The following MMD variants were observed in gnomAD, a reference collection of about 807,000 sequenced individuals.
MMD encodes the protein monocyte to macrophage differentiation associated.
Under a neutral mutation model 33.6 loss-of-function variants are expected in MMD, and 22 were observed. The ratio of observed to expected loss-of-function variants is 0.66; its 90% CI spans 0.47 to 0.94. The LOEUF is 0.94. Among genes scored for constraint, MMD ranks in the 40% least tolerant of loss-of-function variants. The pLI is 0.00. For missense variants in MMD, 242 were observed against 309.8 expected (o/e 0.78, Z 1.64); for synonymous variants, 97 against 103.2 (o/e 0.94, Z 0.36).
intron 6 of MMD, among the ~76,000 whole-genome samples, chr17:55,397,868 CA>C (rs1207886170): frequency 6.6e-6 from 1 of 152,114 alleles, no homozygotes; most frequent in Non-Finnish European, 1.5e-5. Flanking sequence ...TGTGCCATTA[CA>C]TTGTATTCCT....
In MMD at chr17:55,398,058, C is replaced by T. The variant is rs190843918; in HGVS notation, c.516+3411G>A. On this transcript the variant is annotated intron_variant, in intron 6 of 6. Coordinates refer to ENST00000262065, the MANE Select transcript of MMD (RefSeq NM_012329.3). ...TCAGGCCTCCTCGTGCTTTGTGGATCTCTAGGTTGATATTTTTCATCAAAT... is the reference window on the plus strand; with the variant it reads ...TCAGGCCTCCTCGTGCTTTGTGGATTTCTAGGTTGATATTTTTCATCAAAT... 4.2e-5 allele frequency among the ~76,000 whole-genome samples: 6 copies of T among 142,690 alleles called. No homozygotes were observed. In the Admixed American group the frequency reaches 4.4e-4, roughly 11 times the overall value. 93.6% of individuals were successfully genotyped at this position (142,690 alleles called of 152,430 possible).
rs1907286827 is a variant in MMD at position 55,400,529 on chromosome 17, C to G, written c.516+940G>C. Among the ~76,000 whole-genome samples, 4 of 140,834 alleles carry G rather than the reference C, an allele frequency of 2.8e-5. 1 individual carries two copies. The South Asian group carries it at 9.2e-4, about 32-fold the overall frequency. 92.4% of individuals were successfully genotyped at this position (140,834 alleles called of 152,430 possible). On this transcript the variant is annotated intron_variant, in intron 6 of 6. Coordinates refer to ENST00000262065, the MANE Select transcript of MMD (RefSeq NM_012329.3). Reference sequence around the variant, plus strand: ...GCTCTACTGCACTCCAGCTGGGCAACAGAGCAAGACTTTGTCTCAAAAAAA... The same window carrying G: ...GCTCTACTGCACTCCAGCTGGGCAAGAGAGCAAGACTTTGTCTCAAAAAAA...
At chr17:55,402,752 C>T (rs1443827450) in intron 5 of MMD, among the ~76,000 whole-genome samples, 1 of 152,124 alleles carries the variant, frequency 6.6e-6, no homozygotes, top group African/African-American at 2.4e-5. Flanking sequence ...AGATTTGAGT[C>T]CAAGAAGCAA....
chr17:55,414,265 A>T lies in MMD; in HGVS notation c.27-33T>A, dbSNP rs1327318973. 3.1e-6 allele frequency: 5 copies of T among 1,600,492 alleles called. No homozygotes were observed. The Admixed American group carries it at 6.7e-5, about 21-fold the overall frequency. ...AACAAAAAGAACACATGTAAGAAAA[A>T]CTCAAAGTGTGTGAAGAACAATGAG... On this transcript the variant is annotated intron_variant, in intron 1 of 6. Transcript: ENST00000262065.
At chr17:55,404,892 T>C (rs1253504084) in intron 4 of MMD, 2 of 301,312 alleles carry the variant, frequency 6.6e-6, no homozygotes, top group African/African-American at 4.5e-5. Context: ...TGGAACCCAG[T>C]CTCTACTAAA....
intron 3 of MMD, among the ~76,000 whole-genome samples, chr17:55,409,290 A>T (rs1382419459): frequency 6.6e-6 from 1 of 152,226 alleles, no homozygotes; most frequent in African/African-American, 2.4e-5. Context: ...AAGTGCTAGG[A>T]GGTGAGATAG....
intron 2 of MMD, among the ~76,000 whole-genome samples, chr17:55,412,314 A>T (rs1293022898): frequency 6.6e-6 from 1 of 152,226 alleles, no homozygotes; most frequent in Non-Finnish European, 1.5e-5. Context: ...GCAGAATGTA[A>T]GAGTTTTGGG....
At chr17:55,395,389 A>G (rs929095821) in intron 6 of MMD, among the ~76,000 whole-genome samples, 8 of 152,224 alleles carry the variant, frequency 5.3e-5, no homozygotes, top group Admixed American at 6.5e-5. Context: ...TGCAGAGTGA[A>G]TGGAAACCTA....
Position 55,402,201 on chromosome 17 carries a change from C to G in MMD, c.447-663G>C, listed in dbSNP as rs762256812. ...ATTTCCTCTTCTGATCCTAGAGTGT[C>G]TGCTTTCATTACCATTCCAATCCAG... On this transcript the variant is annotated intron_variant, in intron 5 of 6. Coordinates refer to ENST00000262065, the MANE Select transcript of MMD (RefSeq NM_012329.3). Among the ~76,000 whole-genome samples, 14 of 152,098 alleles carry G rather than the reference C, an allele frequency of 9.2e-5. No individual in the cohort carries two copies. The Middle Eastern group carries it at 0.014, about 149-fold the overall frequency.
chr17:55,403,945 T>C, intron 4 of MMD, 77 bp from the exon 5 acceptor site: 2 of 1,150,818 alleles, frequency 1.7e-6, no homozygotes, highest in South Asian at 2.7e-5. Flanking sequence ...CATTGAAAAC[T>C]GAGAAAGTCT....
At chr17:55,419,042 TG>T (rs1164284564) in intron 1 of MMD, among the ~76,000 whole-genome samples, 1 of 152,204 alleles carries the variant, frequency 6.6e-6, no homozygotes, top group African/African-American at 2.4e-5. Context: ...GCAGCATGAC[TG>T]GTTGAGAGAC....
intron 3 of MMD, among the ~76,000 whole-genome samples, chr17:55,408,629 A>G (rs1257093907): frequency 2.6e-5 from 4 of 152,202 alleles, no homozygotes; most frequent in Admixed American, 6.5e-5. Context: ...AGGGAACGCT[A>G]GTATTAGACT....
intron 4 of MMD, chr17:55,404,587 G>A (rs1169005156): frequency 3.2e-5 from 32 of 984,778 alleles, no homozygotes; most frequent in Non-Finnish European, 3.9e-5. Flanking sequence ...TACCCACAGT[G>A]GATACCTAAT....
At chr17:55,401,705 C>G (rs7207017) in intron 5 of MMD, among the ~76,000 whole-genome samples, 167 bp from the exon 6 acceptor site, 6 of 152,108 alleles carry the variant, frequency 3.9e-5, no homozygotes, top group Admixed American at 2.6e-4. Context: ...AACTAAAACA[C>G]AGTAGCTGAG....
At chr17:55,412,029 A>T (rs1012711589) in intron 2 of MMD, among the ~76,000 whole-genome samples, 1 of 152,204 alleles carries the variant, frequency 6.6e-6, no homozygotes, top group East Asian at 1.9e-4. Context: ...GTGAGCCATG[A>T]TTGTACCACT....
chr17:55,416,381 C>T (rs1261839612), intron 1 of MMD, among the ~76,000 whole-genome samples: 2 of 152,130 alleles, frequency 1.3e-5, no homozygotes, highest in African/African-American at 2.4e-5. Context: ...GAATAATTCA[C>T]ATTAAAAAAT....
intron 2 of MMD, among the ~76,000 whole-genome samples, chr17:55,412,705 A>G (rs181210524): frequency 6.6e-6 from 1 of 152,364 alleles, no homozygotes; most frequent in East Asian, 1.9e-4. Context: ...CGTTGGCCCA[A>G]GCAAAATTAG....
At chr17:55,401,682 C>T (rs1446871940) in intron 5 of MMD, 144 bp from the exon 6 acceptor site, 6 of 610,194 alleles carry the variant, frequency 9.8e-6, no homozygotes, top group Non-Finnish European at 1.7e-5. Context: ...CAGTAGGCAA[C>T]CACTAGGCCT....
chr17:55,417,474 T>C (rs1316661559), intron 1 of MMD, among the ~76,000 whole-genome samples: 1 of 152,078 alleles, frequency 6.6e-6, no homozygotes, highest in Non-Finnish European at 1.5e-5. Flanking sequence ...CTTCTTTACA[T>C]AGCAGCTACA....
Sources: allele counts gnomAD v4.1 joint callset (sites outside exome capture counted in the v4.1 genomes callset), GRCh38; gene constraint gnomAD v4.1.1; transcripts MANE v1.5; gene names NCBI Gene and HGNC (gene_info 2026-07-23, HGNC 2026-07-21).